KIF14: variants seen among roughly 807,000 people sequenced by gnomAD.
KIF14 encodes kinesin family member 14.
A neutral mutation model predicts 176.2 loss-of-function variants in KIF14; 98 were observed. The observed-to-expected ratio is 0.56, with a 90% CI of 0.47 to 0.66. The LOEUF (loss-of-function observed/expected upper bound fraction) is 0.66. Among genes scored for constraint, KIF14 ranks in the 30% least tolerant of loss-of-function variants. The pLI is 0.00. For synonymous variants in KIF14, 566 were observed against 632.2 expected (o/e 0.90, Z 1.57); for missense variants, 1,751 against 1,920.4 (o/e 0.91, Z 1.65).
At chr1:200,586,790 C>CATATATATATATATATATATAT (rs10610890) in intron 18 of KIF14, among the ~76,000 whole-genome samples, 74 of 128,286 alleles carry the variant, frequency 5.8e-4, no homozygotes, top group Non-Finnish European at 9.4e-4. Context: ...TATATACATA[C>CATATATATATATATATATATAT]ATATATATAT....
intron 3 of KIF14, among the ~76,000 whole-genome samples, chr1:200,615,083 T>A (rs1660347980): frequency 6.6e-6 from 1 of 152,128 alleles, no homozygotes; most frequent in African/African-American, 2.4e-5. Context: ...AAAGATAACC[T>A]CTCTAGGCCT....
chr1:200,608,367 C>CA (rs1553261400), intron 5 of KIF14, among the ~76,000 whole-genome samples: 13 of 141,100 alleles, frequency 9.2e-5, no homozygotes, highest in Non-Finnish European at 1.7e-4. Flanking sequence ...CGCTTCTTTT[C>CA]TTTTTTTTTT....
At chr1:200,589,395 T>G in intron 17 of KIF14, 26 bp from the exon 18 acceptor site, 1 of 1,569,156 alleles carries the variant, frequency 6.4e-7, no homozygotes, top group Non-Finnish European at 8.6e-7. Context: ...ATAAAAAATA[T>G]CTCAGGCAAA....
Position 200,586,234 on chromosome 1 carries a change from G to A in KIF14, c.3115-7C>T. ...TGCTATGGTCTTCTAAAGCCTAATT[G>A]ATATTCATTCATACAGACCCACATG... On this transcript the variant is annotated splice_polypyrimidine_tract_variant and splice_region_variant and intron_variant, in intron 18 of 29. Coordinates refer to ENST00000367350, the MANE Select transcript of KIF14 (RefSeq NM_014875.3). 5 of 1,577,344 alleles carry A rather than the reference G, an allele frequency of 3.2e-6. No homozygotes were observed. The highest frequency in any genetic ancestry group is 4.3e-6 in the Non-Finnish European group (5 of 1,157,848).
rs918380089 is a variant in KIF14 at position 200,589,308 on chromosome 1, A to G, written c.3023T>C (p.Ile1008Thr). The G allele has an allele frequency of 4.3e-6, 7 of 1,611,320 alleles. No homozygotes were observed. In the African/African-American group the frequency reaches 5.3e-5, roughly 12 times the overall value. Residue 1008 changes from isoleucine (I) to threonine (T), a missense_variant, in exon 18 of 30, where the codon ATT (isoleucine) becomes ACT (threonine). Ile to Thr is a moderately conservative substitution (Grantham distance 89). Transcript: ENST00000367350. ...EINNQKANHK[I>T]EELEKAKQHL... ...CTGCTTTGCCTTTTCTAATTCCTCA[A>G]TTTTGTGATTAGCCTTCTGGTTATT...
chr1:200,606,635 G>A, intron 6 of KIF14, 111 bp downstream of exon 6: 1 of 918,992 alleles, frequency 1.1e-6, no homozygotes, highest in Non-Finnish European at 1.8e-6. Context: ...TAGTTACCCA[G>A]GGTTTCAAAG....
At chr1:200,576,811 TTC>T (rs1246293028) in intron 21 of KIF14, among the ~76,000 whole-genome samples, 1 of 152,130 alleles carries the variant, frequency 6.6e-6, no homozygotes, top group East Asian at 1.9e-4. Context: ...GGTGTAAGAA[TTC>T]TCTTTTTTTC....
At chr1:200,592,897 A>G (rs1041820794) in intron 15 of KIF14, among the ~76,000 whole-genome samples, 4 of 152,208 alleles carry the variant, frequency 2.6e-5, no homozygotes, top group East Asian at 1.9e-4. Context: ...CTATAACACA[A>G]TGGTAAATAA....
intron 25 of KIF14, among the ~76,000 whole-genome samples, chr1:200,563,609 G>C (rs1013247689): frequency 6.6e-6 from 1 of 151,960 alleles, no homozygotes; most frequent in Non-Finnish European, 1.5e-5. Flanking sequence ...TGTTGCCCAG[G>C]CTGGTCTCAA....
At chr1:200,615,731 G>A in intron 2 of KIF14, 122 bp from the exon 3 acceptor site, 2 of 864,708 alleles carry the variant, frequency 2.3e-6, no homozygotes, top group Non-Finnish European at 3.4e-6. Context: ...TAATTCTGTA[G>A]TTTTATGTGG....
intron 14 of KIF14, among the ~76,000 whole-genome samples, chr1:200,594,877 A>C (rs1290111628): frequency 1.3e-5 from 2 of 152,212 alleles, no homozygotes; most frequent in Non-Finnish European, 2.9e-5. Flanking sequence ...CCCTCCTACC[A>C]GTCTAGTGTC....
At chr1:200,562,167 A>G (rs548215282) in intron 25 of KIF14, among the ~76,000 whole-genome samples, 2 of 152,218 alleles carry the variant, frequency 1.3e-5, no homozygotes, top group Non-Finnish European at 2.9e-5. Flanking sequence ...CACTAAATTC[A>G]GGTTTGCTAG....
At chr1:200,567,420 C>T (rs1255214503) in intron 23 of KIF14, among the ~76,000 whole-genome samples, 1 of 151,838 alleles carries the variant, frequency 6.6e-6, no homozygotes, top group Non-Finnish European at 1.5e-5. Context: ...TGGCAGGCGC[C>T]TGTAGCCCCA....
chr1:200,581,157 C>A, intron 20 of KIF14, 44 bp downstream of exon 20: 4 of 948,282 alleles, frequency 4.2e-6, no homozygotes, highest in South Asian at 3.1e-5. Context: ...ATATAAAGGC[C>A]AACTTGTTTA....
chr1:200,602,154 G>A lies in KIF14; in HGVS notation c.1980-86C>T, dbSNP rs1659659574. The stretch of plus-strand genomic sequence containing the variant: ...AGAAAGCACAAAACAAACTAATAGG[G>A]TATATAATACAGTATTATTATACTC... On this transcript the variant is annotated intron_variant, in intron 10 of 29. Transcript: ENST00000367350. 4 of 1,074,238 alleles carry A rather than the reference G, an allele frequency of 3.7e-6. No individual in the cohort carries two copies. The African/African-American group carries it at 4.8e-5, about 13-fold the overall frequency. 66.5% of individuals were successfully genotyped at this position (1,074,238 alleles called of 1,614,324 possible).
chr1:200,566,516 C>T (rs1282975334), intron 23 of KIF14, among the ~76,000 whole-genome samples: 1 of 151,530 alleles, frequency 6.6e-6, no homozygotes, highest in Non-Finnish European at 1.5e-5. Context: ...TTGCTTGAAG[C>T]CAGGAGGCGG....
intron 4 of KIF14, among the ~76,000 whole-genome samples, chr1:200,612,148 G>A (rs1223276439): frequency 5.3e-5 from 8 of 151,902 alleles, no homozygotes; most frequent in African/African-American, 1.2e-4. Flanking sequence ...GATTACAGGC[G>A]CCCACCACCA....
At chr1:200,615,223 A>C in intron 3 of KIF14, 132 bp downstream of exon 3, 1 of 925,580 alleles carries the variant, frequency 1.1e-6, no homozygotes, top group East Asian at 2.4e-5. Context: ...CAGAACTGGT[A>C]TATAAAATGG....
At chr1:200,581,951 G>A (rs1428741249) in intron 19 of KIF14, among the ~76,000 whole-genome samples, 1 of 151,654 alleles carries the variant, frequency 6.6e-6, no homozygotes, top group Admixed American at 6.6e-5. Flanking sequence ...CTTATATTTT[G>A]TAGAGAGGAG....
Sources: allele counts gnomAD v4.1 joint callset (sites outside exome capture counted in the v4.1 genomes callset), GRCh38; gene constraint gnomAD v4.1.1; transcripts MANE v1.5; gene names NCBI Gene and HGNC (gene_info 2026-07-23, HGNC 2026-07-21).